Variants in LMF1 observed in about 807,000 individuals in gnomAD.
LMF1 encodes transmembrane protein 112.
A neutral mutation model predicts 60.6 loss-of-function variants in LMF1; 68 were observed. The ratio of observed to expected loss-of-function variants is 1.12; its 90% CI spans 0.92 to 1.37. The LOEUF is 1.37. Among genes scored for constraint, LMF1 ranks in the 40% most tolerant of loss-of-function variants. LMF1 has a pLI of 0.00. For missense variants in LMF1, 948 were observed against 767.2 expected (o/e 1.24, Z -2.78); for synonymous variants, 418 against 324.7 (o/e 1.29, Z -3.09).
At chr16:938,042 A>G (rs1199123980) in intron 2 of LMF1, among the ~76,000 whole-genome samples, 1 of 123,550 alleles carries the variant, frequency 8.1e-6, no homozygotes, top group Non-Finnish European at 1.6e-5. Context: ...TTACCAAAAA[A>G]AAAATACCAC....
intron 2 of LMF1, among the ~76,000 whole-genome samples, chr16:946,739 T>C (rs1794449801): frequency 1.3e-5 from 2 of 152,234 alleles, no homozygotes; most frequent in Non-Finnish European, 2.9e-5. Context: ...ACATGGCCCA[T>C]GCCCTGCCAT....
intron 4 of LMF1, chr16:899,676 G>A (rs896865252): frequency 1.4e-4 from 22 of 152,374 alleles, no homozygotes; most frequent in Non-Finnish European, 2.1e-4. Context: ...ACCGCTCCAC[G>A]TCTGCCTTTC....
chr16:931,912 G>C lies in LMF1; in HGVS notation c.514+2332C>G, dbSNP rs977656534. ...CCTACAATTACCACCTGCTACCGAA[G>C]AATCAGTTAGAATGTATGACGCTCA... is the stretch of plus-strand genomic sequence containing the variant. On this transcript the variant is annotated intron_variant, in intron 3 of 10. Transcript: ENST00000262301. The C allele has an allele frequency of 5.2e-6, 4 of 776,312 alleles. No homozygotes were observed. The African/African-American group carries it at 5.4e-5, about 11-fold the overall frequency. The allele number at this position is 776,312 out of a possible 1,614,324, so 48.1% of individuals were successfully genotyped here.
chr16:979,548 T>G, intron 1 of LMF1: 1 of 432,648 alleles, frequency 2.3e-6, no homozygotes, highest in Non-Finnish European at 4.6e-6. Flanking sequence ...AGGGCCTGGA[T>G]GCCACTCCCC....
chr16:879,609 CCGCCG>C lies in LMF1; in HGVS notation c.853_857del (p.Arg285GlyfsTer38). The C allele has an allele frequency of 6.2e-7, 1 of 1,613,318 alleles. No individual in the cohort carries two copies. The highest frequency in any genetic ancestry group is 8.5e-7 in the Non-Finnish European group (1 of 1,179,752). On this transcript the variant is annotated frameshift_variant, in exon 6 of 11. Transcript: ENST00000262301. LOFTEE classifies it high-confidence loss of function. ...GCAGCACCCCGTGGATGATGCACGC[CCGCCG>C]GCCGAGGAAGAGGAAGAAGGGCACC...
Position 897,921 on chromosome 16 carries a change from G to A in LMF1, c.664-4849C>T, listed in dbSNP as rs997322079. ...TCCGCCCCCGAGTGCTTCAGCTCACGCAGACTTCCTTGTGGCACAGCTGCA... is the reference window on the plus strand; with the variant it reads ...TCCGCCCCCGAGTGCTTCAGCTCACACAGACTTCCTTGTGGCACAGCTGCA... On this transcript the variant is annotated intron_variant, in intron 4 of 10. Transcript: ENST00000262301. This position sits in a 1 kb window ranked among gnomAD's most constrained non-coding sequence, Gnocchi z 4.3. Among the ~76,000 whole-genome samples, 7 of 152,260 alleles carry A rather than the reference G, an allele frequency of 4.6e-5. No homozygotes were observed. The highest frequency in any genetic ancestry group is 2.1e-4 in the South Asian group (1 of 4,838).
chr16:889,157 G>A (rs1041243471), intron 5 of LMF1, among the ~76,000 whole-genome samples: 32 of 152,348 alleles, frequency 2.1e-4, no homozygotes, highest in Admixed American at 5.2e-4. Flanking sequence ...GGAACACGAC[G>A]TGAGGAAAGC....
chr16:882,972 TCAG>T (rs1288148885), intron 5 of LMF1, among the ~76,000 whole-genome samples: 2 of 127,720 alleles, frequency 1.6e-5, no homozygotes, highest in Non-Finnish European at 3.2e-5. Flanking sequence ...GAGGAGCTGC[TCAG>T]CAGAAGAGCT....
At chr16:964,170 C>T (rs559727434) in intron 1 of LMF1, 1 of 454,338 alleles carries the variant, frequency 2.2e-6, no homozygotes, top group Admixed American at 2.3e-5. Flanking sequence ...GCAGCCTGTG[C>T]CCGTAGCCCC....
chr16:959,181 G>A (rs143653249), intron 1 of LMF1, among the ~76,000 whole-genome samples: 16 of 152,208 alleles, frequency 1.1e-4, no homozygotes, highest in African/African-American at 3.6e-4. Flanking sequence ...CATCCTTCAC[G>A]GTGGAAGTGG....
intron 4 of LMF1, among the ~76,000 whole-genome samples, chr16:895,917 G>T (rs2070650315): frequency 1.0e-5 from 1 of 99,774 alleles, no homozygotes; most frequent in Non-Finnish European, 2.1e-5. Context: ...CCTCGGAGGG[G>T]TTGTGAGGCT....
intron 4 of LMF1, chr16:893,355 G>C: frequency 1.8e-6 from 1 of 558,834 alleles, no homozygotes; most frequent in Non-Finnish European, 3.4e-6. Flanking sequence ...AGAGCTCCAC[G>C]CATCATCACG....
At chr16:939,196 T>G (rs2072027742) in intron 2 of LMF1, among the ~76,000 whole-genome samples, 1 of 152,044 alleles carries the variant, frequency 6.6e-6, no homozygotes, top group Non-Finnish European at 1.5e-5. Flanking sequence ...ACTTAAAAAC[T>G]CTCAGTGGTT....
chr16:884,428 G>A (rs2070249907), intron 5 of LMF1, among the ~76,000 whole-genome samples: 1 of 152,238 alleles, frequency 6.6e-6, no homozygotes, highest in African/African-American at 2.4e-5. Context: ...TACTAAACCT[G>A]TCAACCTAGA....
intron 10 of LMF1, among the ~76,000 whole-genome samples, chr16:857,378 C>A: frequency 6.6e-6 from 1 of 152,238 alleles, no homozygotes. Context: ...GGTATCTTTG[C>A]CAGCATGTGG....
intron 2 of LMF1, chr16:934,645 G>C (rs922280850): frequency 3.5e-6 from 1 of 288,962 alleles, no homozygotes; most frequent in African/African-American, 2.2e-5. Flanking sequence ...TTAGAAAAGG[G>C]ATCTTAAATG....
At chr16:863,409 G>A (rs1052934605) in intron 10 of LMF1, among the ~76,000 whole-genome samples, 4 of 151,962 alleles carry the variant, frequency 2.6e-5, no homozygotes, top group African/African-American at 4.8e-5. Context: ...CCCAAAGTGC[G>A]GTGATTTCAG....
chr16:914,631 G>A (rs1232242667), intron 3 of LMF1, among the ~76,000 whole-genome samples: 8 of 144,864 alleles, frequency 5.5e-5, no homozygotes, highest in Admixed American at 7.0e-5. Flanking sequence ...GACCATTGGT[G>A]ACACACTCCC....
intron 9 of LMF1, chr16:869,371 G>A (rs897123797): frequency 3.9e-5 from 24 of 610,508 alleles, no homozygotes; most frequent in South Asian, 6.1e-5. Context: ...AGACGGGACC[G>A]GGAGGACAGA....
Sources: allele counts gnomAD v4.1 joint callset (sites outside exome capture counted in the v4.1 genomes callset), GRCh38; gene constraint gnomAD v4.1.1; non-coding constraint Gnocchi (gnomAD v3.1); transcripts MANE v1.5; gene names NCBI Gene and HGNC (gene_info 2026-07-23, HGNC 2026-07-21).